Variants in BMS1 observed in about 807,000 individuals in gnomAD.
The protein encoded by BMS1 is BMS1 ribosome biogenesis factor, also known as ribosome biogenesis protein BMS1 homolog.
In BMS1, 53 loss-of-function variants were observed where a neutral mutation model predicts 138.7. That is an observed-to-expected ratio of 0.38 (90% CI 0.31 to 0.48). BMS1 has a LOEUF of 0.48. BMS1 is among the 20% of genes least tolerant of loss of function. The pLI, the probability that BMS1 is intolerant of heterozygous loss-of-function variation, is 0.97. For missense variants in BMS1, 1,360 were observed against 1,565.5 expected (o/e 0.87, Z 2.22); for synonymous variants, 504 against 539.9 (o/e 0.93, Z 0.92).
At position 42,796,521 on chromosome 10, in the gene BMS1, G is replaced by A. The variant is rs564782824; in HGVS notation, c.1277G>A (p.Arg426Gln). ...EEKQMDLNTG[R>Q]MRRKAIFGDE... is the part of the protein sequence containing the mutation. ...AAACAAATGGACTTGAACACTGGTC[G>A]AATGCGTCGGAAAGCCATTTTCGGA... The change falls in exon 10 of 23, where the codon CGA becomes CAA. Residue 426 changes from arginine (R) to glutamine (Q), a missense_variant. By Grantham distance (43) the Arg-to-Gln change is conservative. Transcript: ENST00000374518. 26 of 1,614,142 alleles carry A rather than the reference G, an allele frequency of 1.6e-5. No individual in the cohort carries two copies. The South Asian group carries it at 2.1e-4, about 13-fold the overall frequency.
At chr10:42,794,190 T>A (rs1021952757) in intron 9 of BMS1, among the ~76,000 whole-genome samples, 199 bp downstream of exon 9, 2 of 152,202 alleles carry the variant, frequency 1.3e-5, no homozygotes, top group African/African-American at 4.8e-5. Flanking sequence ...AATTGCAGGA[T>A]GCATTTTTCA....
Position 42,830,292 on chromosome 10 carries a change from C to G in BMS1, c.3488C>G (p.Ser1163Ter). ...CTGAGGCAAAAGAAACATTTTAATT[C>G]ACTGCACATTCCAAAAGCCTTGCAG... ...PILRQKKHFNSLHIPKALQKA... is the reference protein window; with the variant it reads ...PILRQKKHFN Residue 1163 changes from serine to a stop codon, truncating the protein, a stop_gained, in exon 22 of 23, where the codon TCA becomes TGA. Coordinates refer to ENST00000374518, the MANE Select transcript of BMS1 (RefSeq NM_014753.4). LOFTEE classifies it high-confidence loss of function. The G allele has an allele frequency of 3.1e-6, 5 of 1,613,510 alleles. No homozygotes were observed. Among genetic ancestry groups the G allele is most frequent in the Non-Finnish European group, 4.2e-6 (5 of 1,179,906 alleles).
At chr10:42,783,584 C>G (rs1841231032) in intron 1 of BMS1, among the ~76,000 whole-genome samples, 1 of 151,376 alleles carries the variant, frequency 6.6e-6, no homozygotes. Flanking sequence ...ATCAAGCTGT[C>G]AGATTTTATG....
At position 42,793,033 on chromosome 10, in the gene BMS1, C is replaced by T. The variant is rs760540009; in HGVS notation, c.978C>T (p.Arg326=). 6.2e-7 allele frequency: 1 copy of T among 1,614,080 alleles called. No homozygotes were observed. The highest frequency in any genetic ancestry group is 8.5e-7 in the Non-Finnish European group (1 of 1,179,988). ...CTCTTCCTGAACAACAAAAGAAGCG[C>T]TGTTTAAATGAGAAGGAGAAGCTGG... The part of the protein sequence containing the change: ...PCALPEQQKK[R]CLNEKEKLVY... Residue 326 remains arginine (R), a synonymous_variant, in exon 8 of 23, where the codon CGC becomes CGT. Transcript: ENST00000374518.
intron 12 of BMS1, among the ~76,000 whole-genome samples, chr10:42,800,141 T>C: frequency 6.6e-6 from 1 of 152,264 alleles, no homozygotes; most frequent in Non-Finnish European, 1.5e-5. Flanking sequence ...CTAATGAGAC[T>C]GGAGAACTAA....
rs150649604 is a variant in BMS1, at chr10:42,795,823, T to G, written c.1230-651T>G. On this transcript the variant is annotated intron_variant, in intron 9 of 22. Coordinates refer to ENST00000374518, the MANE Select transcript of BMS1 (RefSeq NM_014753.4). ...TAAAATGGATGTTCTTCCTCTGTCA[T>G]TCCTCCTACGTTTGTTAGCTGGCAT... Among the ~76,000 whole-genome samples the G allele has an allele frequency of 6.9e-3, 1,052 of 152,342 alleles. 14 individuals are homozygous for G. The highest frequency in any genetic ancestry group is 0.019 in the South Asian group (94 of 4,824).
At chr10:42,805,347 C>T (rs1841983725) in intron 13 of BMS1, among the ~76,000 whole-genome samples, 2 of 152,246 alleles carry the variant, frequency 1.3e-5, no homozygotes, top group East Asian at 1.9e-4. Context: ...TATTTTTGTA[C>T]CAATACCAAC....
In BMS1 at chr10:42,784,554, G is replaced by T; in HGVS notation, c.160G>T (p.Ala54Ser). Residue 54 changes from alanine to serine, a missense_variant, in exon 2 of 23, where the codon GCT becomes TCT. Coordinates refer to ENST00000374518, the MANE Select transcript of BMS1 (RefSeq NM_014753.4). ...TGCAGTTCAGTCTGCTGTGCGGATG[G>T]CTCGATCCTTTCACAGGTATGTTAG... ...AFAVQSAVRMARSFHRTQDLK... is the reference protein window; with the variant it reads ...AFAVQSAVRMSRSFHRTQDLK... 1.2e-6 allele frequency: 2 copies of T among 1,611,906 alleles called. No individual in the cohort carries two copies. Among genetic ancestry groups the T allele is most frequent in the Non-Finnish European group, 1.7e-6 (2 of 1,179,144 alleles).
chr10:42,800,268 C>T (rs960201766), intron 12 of BMS1, among the ~76,000 whole-genome samples: 4 of 152,078 alleles, frequency 2.6e-5, no homozygotes, highest in African/African-American at 9.7e-5. Flanking sequence ...TTTTATTTTT[C>T]GGCGAAACTG....
At position 42,834,148 on chromosome 10, in the gene BMS1, T is replaced by A. The variant is rs901814328; in HGVS notation, c.*3052T>A. The A allele has an allele frequency of 1.1e-4, 17 of 152,262 alleles. No individual in the cohort carries two copies. The highest frequency in any genetic ancestry group is 2.2e-4 in the Non-Finnish European group (15 of 68,052). 9.4% of individuals were successfully genotyped at this position (152,262 alleles called of 1,614,324 possible). A position where few individuals can be genotyped will look rare whatever the true frequency, so the allele number is the denominator to read the frequency against. ...GTATGTTTTGAAAACATATTGAACC[T>A]ACAGTGTACATATCATTCCATGCCA... On this transcript the variant is annotated 3_prime_UTR_variant, in exon 23 of 23. Transcript: ENST00000374518.
intron 2 of BMS1, 106 bp from the exon 3 acceptor site, chr10:42,785,376 A>C: frequency 1.7e-5 from 16 of 914,496 alleles, no homozygotes; most frequent in Non-Finnish European, 2.6e-5. Flanking sequence ...TAAAGTACTC[A>C]TAGCTATAAG....
At chr10:42,823,963 A>G (rs1222751013) in intron 21 of BMS1, among the ~76,000 whole-genome samples, 179 bp downstream of exon 21, 1 of 152,238 alleles carries the variant, frequency 6.6e-6, no homozygotes, top group Non-Finnish European at 1.5e-5. Flanking sequence ...CCAAAAAATG[A>G]TAATAGTGGT....
chr10:42,790,352 G>A lies in BMS1; in HGVS notation c.477G>A (p.Gly159=). The A allele has an allele frequency of 6.2e-7, 1 of 1,613,868 alleles. No homozygotes were observed. The highest frequency in any genetic ancestry group is 8.5e-7 in the Non-Finnish European group (1 of 1,179,842). The change falls in exon 5 of 23, where the codon GGG becomes GGA. Residue 159 remains glycine, a synonymous_variant. Coordinates refer to ENST00000374518, the MANE Select transcript of BMS1 (RefSeq NM_014753.4). ...TGATGCTTATAGATGCCAGCTTTGG[G>A]TTTGAAATGGAAACGTTTGAGTTTC... is the stretch of plus-strand genomic sequence containing the variant. ...LVLMLIDASF[G]FEMETFEFLN...
chr10:42,813,615 G>A (rs528986355), intron 13 of BMS1, among the ~76,000 whole-genome samples: 22 of 152,238 alleles, frequency 1.4e-4, no homozygotes, highest in South Asian at 1.2e-3. Context: ...TAAGAACTGC[G>A]GATTGTCTCG....
chr10:42,785,915 G>C (rs1385789197), intron 3 of BMS1, among the ~76,000 whole-genome samples: 5 of 152,036 alleles, frequency 3.3e-5, no homozygotes, highest in Non-Finnish European at 5.9e-5. Context: ...GAAGATACTC[G>C]AACCCAGCAC....
Position 42,830,984 on chromosome 10 carries a change from A to G in BMS1, c.3737A>G (p.Glu1246Gly), listed in dbSNP as rs1842787069. The G allele has an allele frequency of 6.2e-7, 1 of 1,607,592 alleles. No individual in the cohort carries two copies. The highest frequency in any genetic ancestry group is 8.5e-7 in the Non-Finnish European group (1 of 1,176,786). Residue 1246 changes from glutamate to glycine, a missense_variant, in exon 23 of 23, where the codon GAG becomes GGG. Around this residue, in one of 3 missense-constraint regions of BMS1, gnomAD observed 425 missense variants for 568.3 expected, o/e 0.75. Coordinates refer to ENST00000374518, the MANE Select transcript of BMS1 (RefSeq NM_014753.4). ...HFRAKQKEEEEKLKRQKDLRK... is the reference protein window; with the variant it reads ...HFRAKQKEEEGKLKRQKDLRK... ...AGAGCCAAGCAGAAGGAGGAGGAGGAGAAGCTGAAGCGGCAGAAGGACCTC... is the reference window on the plus strand; with the variant it reads ...AGAGCCAAGCAGAAGGAGGAGGAGGGGAAGCTGAAGCGGCAGAAGGACCTC...
intron 13 of BMS1, among the ~76,000 whole-genome samples, chr10:42,808,203 A>G (rs1267820692): frequency 6.6e-6 from 1 of 151,974 alleles, no homozygotes; most frequent in Non-Finnish European, 1.5e-5. Context: ...TGATTTGCAG[A>G]TACTTTCTCC....
chr10:42,797,052 A>G lies in BMS1; in HGVS notation c.1808A>G (p.Glu603Gly). The G allele has an allele frequency of 6.2e-7, 1 of 1,614,216 alleles. No individual in the cohort carries two copies. Among genetic ancestry groups the G allele is most frequent in the South Asian group, 1.1e-5 (1 of 91,082 alleles). The stretch of plus-strand genomic sequence containing the variant: ...GAAGAAAGCTCCTCACTCAGTGCAG[A>G]GGAAGAAGACTCAGAAAATGAAGAG... ...ESEESSSLSA[E>G]EEDSENEEAI... Residue 603 changes from glutamate to glycine, a missense_variant, in exon 10 of 23, where the codon GAG (glutamate) becomes GGG (glycine). Transcript: ENST00000374518.
At chr10:42,821,801 C>T (rs1258811796) in intron 18 of BMS1, among the ~76,000 whole-genome samples, 2 of 152,126 alleles carry the variant, frequency 1.3e-5, no homozygotes, top group Non-Finnish European at 2.9e-5. Context: ...GATCCACCCG[C>T]CTTGGCCTCC....
Sources: gnomAD v4.1 joint callset for allele counts (sites outside exome capture counted in the v4.1 genomes callset) on GRCh38, gnomAD v4.1.1 for gene constraint, gnomAD v4.1.1 regional missense constraint, MANE v1.5 for transcripts, NCBI Gene and HGNC (gene_info 2026-07-23, HGNC 2026-07-21) for gene names.